Variants in TMCC2 observed in about 807,000 individuals in gnomAD.
TMCC2 encodes transmembrane and coiled-coil domain family 2.
Under a neutral mutation model 49.4 loss-of-function variants are expected in TMCC2, and 16 were observed. That is an observed-to-expected ratio of 0.32 (90% CI 0.22 to 0.49). TMCC2 has a LOEUF of 0.49. Ranked by LOEUF, TMCC2 falls within the 20% of genes least tolerant of loss-of-function variation. TMCC2 has a pLI of 0.99. For synonymous variants in TMCC2, 397 were observed against 434.1 expected (o/e 0.91, Z 1.06); for missense variants, 762 against 989.8 (o/e 0.77, Z 3.09).
chr1:205,269,533 A>G lies in TMCC2; in HGVS notation c.1331A>G (p.His444Arg). Residue 444 changes from histidine (H) to arginine (R), a missense_variant, in exon 3 of 5, where the codon CAC becomes CGC. His to Arg is a conservative substitution (Grantham distance 29, BLOSUM62 0). Around this residue, in one of 2 missense-constraint regions of TMCC2, gnomAD observed 440 missense variants for 636.7 expected, o/e 0.69. Coordinates refer to ENST00000358024, the MANE Select transcript of TMCC2 (RefSeq NM_014858.4). ...NKFGSADNIA[H>R]LKDPLEDGPP... ...TTTGGCAGTGCTGACAACATCGCCC[A>G]CCTGAAGGACCCCCTGGAAGATGGG... The G allele has an allele frequency of 6.2e-7, 1 of 1,613,198 alleles. No individual in the cohort carries two copies. Among genetic ancestry groups the G allele is most frequent in the African/African-American group, 1.3e-5 (1 of 75,018 alleles).
chr1:205,228,982 C>T (rs1659673451), intron 1 of TMCC2: 5 of 1,375,048 alleles, frequency 3.6e-6, no homozygotes, highest in Admixed American at 6.0e-5. Context: ...GTGTTTGTTC[C>T]CCATTATTCA....
chr1:205,242,558 G>A (rs1199822511), intron 2 of TMCC2, among the ~76,000 whole-genome samples: 1 of 152,214 alleles, frequency 6.6e-6, no homozygotes, highest in African/African-American at 2.4e-5. Flanking sequence ...CATGAAGGGT[G>A]ATTTGGGAAG....
chr1:205,272,086 C>T lies in TMCC2; in HGVS notation c.2092C>T (p.Leu698Phe). 1 of 1,613,898 alleles carries T rather than the reference C, an allele frequency of 6.2e-7. No homozygotes were observed. The highest frequency in any genetic ancestry group is 8.5e-7 in the Non-Finnish European group (1 of 1,179,778). ...CCTCCTCTGGAAGCACTGGGACTCC[C>T]TCACCTACCTCCTGGAGCACGTGTT... ...LFLLWKHWDS[L>F]TYLLEHVLLP... Residue 698 changes from leucine to phenylalanine, a missense_variant, in exon 5 of 5, where the codon CTC (leucine) becomes TTC (phenylalanine). Coordinates refer to ENST00000358024, the MANE Select transcript of TMCC2 (RefSeq NM_014858.4).
At chr1:205,261,162 C>CCAA (rs1434819965) in intron 2 of TMCC2, among the ~76,000 whole-genome samples, 1 of 150,076 alleles carries the variant, frequency 6.7e-6, no homozygotes, top group African/African-American at 2.5e-5. Context: ...CACAAAGCTT[C>CCAA]CAATTCCTGC....
At position 205,259,830 on chromosome 1, in the gene TMCC2, G is replaced by A. The variant is rs990052383; in HGVS notation, c.748-9120G>A. ...TGAAAGGGGCCAGGGAGGTGAGTCC[G>A]GGGTGCCACCAAGGCCATGTGGAGG... On this transcript the variant is annotated intron_variant, in intron 2 of 4. Coordinates refer to ENST00000358024, the MANE Select transcript of TMCC2 (RefSeq NM_014858.4). Among the ~76,000 whole-genome samples the A allele has an allele frequency of 1.0e-3, 159 of 152,328 alleles. 1 individual carries two copies. Among genetic ancestry groups the A allele is most frequent in the African/African-American group, 3.7e-3 (152 of 41,574 alleles).
intron 1 of TMCC2, among the ~76,000 whole-genome samples, chr1:205,231,073 T>G (rs1473563406): frequency 7.1e-6 from 1 of 140,946 alleles, no homozygotes; most frequent in Non-Finnish European, 1.5e-5. Flanking sequence ...AAAACCCAGC[T>G]GCAGCCTGCT....
At chr1:205,249,281 C>T (rs137903705) in intron 2 of TMCC2, among the ~76,000 whole-genome samples, 93 of 152,334 alleles carry the variant, frequency 6.1e-4, no homozygotes, top group African/African-American at 2.2e-3. Flanking sequence ...TCCACTCCCA[C>T]ACCAGATTTA....
At chr1:205,260,558 G>A (rs1437641641) in intron 2 of TMCC2, among the ~76,000 whole-genome samples, 1 of 152,168 alleles carries the variant, frequency 6.6e-6, no homozygotes, top group Non-Finnish European at 1.5e-5. Flanking sequence ...CTGTGGCCCA[G>A]GCCAGTGGAG....
chr1:205,258,398 G>T (rs1660964720), intron 2 of TMCC2, among the ~76,000 whole-genome samples: 1 of 152,112 alleles, frequency 6.6e-6, no homozygotes, highest in Admixed American at 6.5e-5. Flanking sequence ...GGTCCATACT[G>T]CCCCACATGT....
intron 4 of TMCC2, among the ~76,000 whole-genome samples, chr1:205,271,585 C>A (rs938701152): frequency 1.3e-4 from 20 of 152,196 alleles, no homozygotes; most frequent in African/African-American, 3.9e-4. Flanking sequence ...GGGATTGGGC[C>A]AGCTCTTTTC....
chr1:205,241,543 C>T lies in TMCC2; in HGVS notation c.246C>T (p.His82=), dbSNP rs78982342. ...QQLSEGSMFG[H]GLKHLFHSRR... is the part of the protein sequence containing the mutation. ...TGTCAGAGGGCTCCATGTTTGGCCA[C>T]GGTCTGAAGCACCTGTTCCACAGCC... The change falls in exon 2 of 5, where the codon CAC becomes CAT. Residue 82 remains histidine, a synonymous_variant. Transcript: ENST00000358024. The surrounding 1 kb of genome is among the most constrained non-coding windows in gnomAD (Gnocchi z 7.3). 1.5e-5 allele frequency: 24 copies of T among 1,613,794 alleles called. No individual in the cohort carries two copies. Among genetic ancestry groups the T allele is most frequent in the Admixed American group, 5.0e-5 (3 of 60,018 alleles).
At chr1:205,244,429 A>G (rs1287486687) in intron 2 of TMCC2, among the ~76,000 whole-genome samples, 2 of 152,098 alleles carry the variant, frequency 1.3e-5, no homozygotes, top group East Asian at 1.9e-4. Flanking sequence ...TTTATTTTCT[A>G]TGGGGGAAGA....
intron 1 of TMCC2, among the ~76,000 whole-genome samples, chr1:205,234,986 G>T (rs2102527237): frequency 6.6e-6 from 1 of 152,214 alleles, no homozygotes; most frequent in South Asian, 2.1e-4. Flanking sequence ...GAAGGGGTGG[G>T]ACATTTATTA....
intron 2 of TMCC2, among the ~76,000 whole-genome samples, chr1:205,252,958 TAA>T (rs959848503): frequency 6.9e-6 from 1 of 144,882 alleles, no homozygotes; most frequent in African/African-American, 2.5e-5. Context: ...TTGTCTCTCT[TAA>T]AAAAAAAAAA....
intron 2 of TMCC2, chr1:205,256,545 A>G (rs1660879095): frequency 1.0e-6 from 1 of 961,172 alleles, no homozygotes; most frequent in Admixed American, 2.0e-5. Context: ...CTGGGACAGG[A>G]TCTCAGGGCA....
At chr1:205,247,108 TC>T (rs1410155123) in intron 2 of TMCC2, among the ~76,000 whole-genome samples, 1 of 152,158 alleles carries the variant, frequency 6.6e-6, no homozygotes, top group African/African-American at 2.4e-5. Flanking sequence ...AAATGGTTGT[TC>T]TTGTGACTAT....
chr1:205,243,132 C>T (rs867219963), intron 2 of TMCC2, among the ~76,000 whole-genome samples: 1 of 152,108 alleles, frequency 6.6e-6, no homozygotes, highest in South Asian at 2.1e-4. Flanking sequence ...ACCTGTAATC[C>T]CAGAACTCTG....
At chr1:205,238,199 C>T (rs935900245) in intron 1 of TMCC2, among the ~76,000 whole-genome samples, 4 of 151,992 alleles carry the variant, frequency 2.6e-5, no homozygotes, top group African/African-American at 7.3e-5. Flanking sequence ...TGGTTTTCCT[C>T]ACTTCTGAAA....
At chr1:205,271,738 TG>T in intron 4 of TMCC2, 74 bp from the exon 5 acceptor site, 2 of 1,535,162 alleles carry the variant, frequency 1.3e-6, no homozygotes, top group South Asian at 1.2e-5. Flanking sequence ...ACCTTCTCAG[TG>T]GGGTAGGTAG....
Sources: allele counts gnomAD v4.1 joint callset (sites outside exome capture counted in the v4.1 genomes callset), GRCh38; gene constraint gnomAD v4.1.1; regional missense constraint gnomAD v4.1.1; non-coding constraint Gnocchi (gnomAD v3.1); transcripts MANE v1.5; gene names NCBI Gene and HGNC (gene_info 2026-07-23, HGNC 2026-07-21).